Variants in GALNT2 observed in about 807,000 individuals in gnomAD.
GALNT2 encodes the protein polypeptide N-acetylgalactosaminyltransferase 2, also known as UDP-GalNAc:polypeptide N-acetylgalactosaminyltransferase 2.
Under a neutral mutation model 81.4 loss-of-function variants are expected in GALNT2, and 31 were observed. The observed-to-expected ratio is 0.38, with a 90% CI of 0.29 to 0.51. The LOEUF (loss-of-function observed/expected upper bound fraction) is 0.51, where lower values mean the gene tolerates loss of function less well. Ranked by LOEUF, GALNT2 falls within the 20% of genes least tolerant of loss-of-function variation. The probability of loss-of-function intolerance (pLI) is 0.87; values close to 1 mark genes in which losing one functional copy is unlikely to be tolerated. For missense variants in GALNT2, 629 were observed against 765.7 expected (o/e 0.82, Z 2.11); for synonymous variants, 303 against 287.4 (o/e 1.05, Z -0.55).
intron 1 of GALNT2, among the ~76,000 whole-genome samples, chr1:230,109,559 G>A (rs1271314104): frequency 6.6e-6 from 1 of 152,234 alleles, no homozygotes; most frequent in Admixed American, 6.5e-5. Context: ...TGGGCGCAGT[G>A]GCTCACGCAT....
intron 1 of GALNT2, among the ~76,000 whole-genome samples, chr1:230,144,240 T>A (rs140695688): frequency 2.0e-4 from 30 of 152,268 alleles, no homozygotes; most frequent in African/African-American, 7.2e-4. Flanking sequence ...GACCATGCTA[T>A]TTAGTGTCCA....
At chr1:230,241,202 T>C (rs1444662036) in intron 6 of GALNT2, among the ~76,000 whole-genome samples, 1 of 152,226 alleles carries the variant, frequency 6.6e-6, no homozygotes. Flanking sequence ...CAGGGTGAAC[T>C]TCTGATGACT....
At chr1:230,155,111 A>G (rs1425986095) in intron 1 of GALNT2, among the ~76,000 whole-genome samples, 3 of 151,498 alleles carry the variant, frequency 2.0e-5, no homozygotes, top group African/African-American at 7.3e-5. Flanking sequence ...TGCACCCCCC[A>G]CCCCGTTTCC....
At chr1:230,136,529 C>T (rs1156722196) in intron 1 of GALNT2, among the ~76,000 whole-genome samples, 2 of 152,186 alleles carry the variant, frequency 1.3e-5, no homozygotes, top group African/African-American at 4.8e-5. Flanking sequence ...CCCCTCACTG[C>T]CCCCCATCCA....
intron 1 of GALNT2, among the ~76,000 whole-genome samples, chr1:230,168,356 C>T (rs1158998058): frequency 1.3e-5 from 2 of 152,188 alleles, no homozygotes; most frequent in Admixed American, 6.5e-5. Flanking sequence ...CCCTTGTGCT[C>T]GCTTTCTCTG....
chr1:230,202,000 G>T (rs1020612035), intron 2 of GALNT2, among the ~76,000 whole-genome samples: 1 of 152,160 alleles, frequency 6.6e-6, no homozygotes, highest in Non-Finnish European at 1.5e-5. Flanking sequence ...AGGGTTGTTG[G>T]TGGTGTTTAT....
At position 230,092,181 on chromosome 1, in the gene GALNT2, T is replaced by TTTTTG. The variant is rs776859825; in HGVS notation, c.126+24779_126+24780insGTTTT. ...GTTCACCTTATATTCCTTTAGTTTT[T>TTTTTG]TTTTTTTTTTTTTTTGCACTGATCT... On this transcript the variant is annotated intron_variant, in intron 1 of 15. Transcript: ENST00000366672. The TTTTTG allele has an allele frequency of 3.4e-4, 39 of 114,050 alleles. 1 individual carries two copies. Among genetic ancestry groups the TTTTTG allele is most frequent in the East Asian group, 7.5e-4 (3 of 3,990 alleles). 7.1% of individuals were successfully genotyped at this position (114,050 alleles called of 1,614,324 possible).
intron 1 of GALNT2, among the ~76,000 whole-genome samples, chr1:230,147,242 ATGT>A (rs1162405664): frequency 2.6e-5 from 4 of 152,328 alleles, no homozygotes; most frequent in African/African-American, 7.2e-5. Flanking sequence ...TCCTTCCAAG[ATGT>A]TGTCCCTGGA....
chr1:230,153,374 C>A (rs1662148822), intron 1 of GALNT2, among the ~76,000 whole-genome samples: 1 of 152,294 alleles, frequency 6.6e-6, no homozygotes, highest in African/African-American at 2.4e-5. Context: ...GACTGGACAC[C>A]TACACACTTA....
intron 1 of GALNT2, among the ~76,000 whole-genome samples, chr1:230,168,128 G>A (rs563968248): frequency 6.6e-6 from 1 of 152,246 alleles, no homozygotes; most frequent in African/African-American, 2.4e-5. Context: ...TGGGGAGGCG[G>A]TGGACTCGGA....
intron 1 of GALNT2, among the ~76,000 whole-genome samples, chr1:230,086,153 A>G (rs1212558481): frequency 6.6e-6 from 1 of 152,212 alleles, no homozygotes; most frequent in African/African-American, 2.4e-5. Flanking sequence ...CCAGAGGTGA[A>G]ACTGAGAAAA....
intron 1 of GALNT2, among the ~76,000 whole-genome samples, chr1:230,085,441 T>C (rs1659870551): frequency 6.6e-6 from 1 of 152,204 alleles, no homozygotes; most frequent in Non-Finnish European, 1.5e-5. Context: ...GGAAACTCTA[T>C]TTATAAACCA....
chr1:230,138,927 C>T (rs1393548747), intron 1 of GALNT2, among the ~76,000 whole-genome samples: 1 of 152,144 alleles, frequency 6.6e-6, no homozygotes. Context: ...TCTTTATGAC[C>T]TGTATCTCAT....
chr1:230,126,658 A>C (rs1008425117), intron 1 of GALNT2, among the ~76,000 whole-genome samples: 1 of 152,202 alleles, frequency 6.6e-6, no homozygotes, highest in Admixed American at 6.5e-5. Context: ...AAGTGTGTGC[A>C]TGGGATTGTA....
rs148204248 is a variant in GALNT2 at position 230,269,905 on chromosome 1, T to C, written c.1440+4538T>C. Reference sequence around the variant, plus strand: ...GAGTGAGACCATGTTCCTAAAATAATGTAAAATAAATTAGGGCCGGGCACG... The same window carrying C: ...GAGTGAGACCATGTTCCTAAAATAACGTAAAATAAATTAGGGCCGGGCACG... On this transcript the variant is annotated intron_variant, in intron 14 of 15. Coordinates refer to ENST00000366672, the MANE Select transcript of GALNT2 (RefSeq NM_004481.5). Among the ~76,000 whole-genome samples the C allele has an allele frequency of 5.3e-3, 804 of 151,888 alleles. 6 individuals carry two copies. Among genetic ancestry groups the C allele is most frequent in the African/African-American group, 0.019 (769 of 41,416 alleles).
At chr1:230,251,412 C>G (rs187396561) in intron 10 of GALNT2, among the ~76,000 whole-genome samples, 9 of 152,264 alleles carry the variant, frequency 5.9e-5, no homozygotes, top group Admixed American at 1.3e-4. Flanking sequence ...AAAGAAAAGA[C>G]TAGCCTAGCC....
chr1:230,116,780 T>C (rs1660862145), intron 1 of GALNT2, among the ~76,000 whole-genome samples: 1 of 152,248 alleles, frequency 6.6e-6, no homozygotes, highest in Non-Finnish European at 1.5e-5. Context: ...ACAGATGTGC[T>C]GTCATCCATG....
chr1:230,220,416 G>A (rs574553593), intron 3 of GALNT2, among the ~76,000 whole-genome samples: 1 of 152,226 alleles, frequency 6.6e-6, no homozygotes, highest in Admixed American at 6.5e-5. Context: ...CTTTTGGGTT[G>A]CTATGCTGTA....
At chr1:230,116,328 C>A (rs973694753) in intron 1 of GALNT2, among the ~76,000 whole-genome samples, 2 of 152,056 alleles carry the variant, frequency 1.3e-5, no homozygotes, top group African/African-American at 4.8e-5. Flanking sequence ...ATCCCAGGTT[C>A]AAGGAATTCT....
Sources: gnomAD v4.1 joint callset for allele counts (sites outside exome capture counted in the v4.1 genomes callset) on GRCh38, gnomAD v4.1.1 for gene constraint, MANE v1.5 for transcripts, NCBI Gene and HGNC (gene_info 2026-07-23, HGNC 2026-07-21) for gene names.